Variants in ADAMTS20 observed in about 807,000 individuals in gnomAD.
ADAMTS20 encodes ADAM metallopeptidase with thrombospondin type 1 motif 20.
Under a neutral mutation model 260.1 loss-of-function variants are expected in ADAMTS20, and 225 were observed. The ratio of observed to expected loss-of-function variants is 0.87; its 90% CI spans 0.78 to 0.97. The LOEUF (loss-of-function observed/expected upper bound fraction) is 0.97, where lower values mean the gene tolerates loss of function less well. Ranked by LOEUF, ADAMTS20 falls within the 50% of genes least tolerant of loss-of-function variation. The probability of loss-of-function intolerance (pLI) is 0.00; values close to 1 mark genes in which losing one functional copy is unlikely to be tolerated. For synonymous variants in ADAMTS20, 802 were observed against 769.5 expected, an observed-to-expected ratio of 1.04 and a Z score of -0.70; for missense variants, 2,400 against 2,337.7, an observed-to-expected ratio of 1.03 and a Z score of -0.55.
chr12:43,464,801 C>A, intron 9 of ADAMTS20, 69 bp from the exon 10 acceptor site: 1 of 1,482,236 alleles, frequency 6.7e-7, no homozygotes, highest in Non-Finnish European at 9.1e-7. Context: ...TTCTTTATCA[C>A]ATTTTTTGTA....
intron 7 of ADAMTS20, 26 bp from the exon 8 acceptor site, chr12:43,468,731 A>G (rs770590861): frequency 7.5e-7 from 1 of 1,342,136 alleles, no homozygotes; most frequent in Non-Finnish European, 1.0e-6. Context: ...TTTGTATTTC[A>G]TCAAAATGGA....
At chr12:43,512,042 T>C (rs1942931132) in intron 3 of ADAMTS20, among the ~76,000 whole-genome samples, 2 of 151,900 alleles carry the variant, frequency 1.3e-5, no homozygotes, top group Non-Finnish European at 2.9e-5. Context: ...ATTAATACTA[T>C]TATCAATAAC....
intron 37 of ADAMTS20, among the ~76,000 whole-genome samples, chr12:43,361,477 A>G (rs957928788): frequency 2.0e-5 from 3 of 152,274 alleles, no homozygotes; most frequent in African/African-American, 7.2e-5. Context: ...AGAAATGCCT[A>G]GAAAACCATG....
At chr12:43,394,092 C>T (rs1253608048) in intron 29 of ADAMTS20, among the ~76,000 whole-genome samples, 1 of 152,004 alleles carries the variant, frequency 6.6e-6, no homozygotes, top group African/African-American at 2.4e-5. Context: ...ATTTTATGAC[C>T]ATTACAAGTT....
intron 2 of ADAMTS20, among the ~76,000 whole-genome samples, chr12:43,545,522 G>A (rs1410417635): frequency 2.0e-5 from 3 of 152,110 alleles, no homozygotes; most frequent in Non-Finnish European, 2.9e-5. Context: ...ATTCCTCAAA[G>A]TTTACACAGC....
chr12:43,404,644 T>C lies in ADAMTS20; in HGVS notation c.4285-5411A>G, dbSNP rs552197266. On this transcript the variant is annotated intron_variant, in intron 28 of 38. Transcript: ENST00000389420. ...ATCATTTCATCTATGGATGAAGATA[T>C]ATATATTTGTTTTTATGTTAATCAT... is the stretch of plus-strand genomic sequence containing the variant. 8.5e-5 allele frequency among the ~76,000 whole-genome samples: 13 copies of C among 152,322 alleles called. No individual in the cohort carries two copies. In the East Asian group the frequency reaches 1.7e-3, roughly 20 times the overall value.
At chr12:43,487,876 A>G (rs1479701231) in intron 7 of ADAMTS20, among the ~76,000 whole-genome samples, 1 of 152,166 alleles carries the variant, frequency 6.6e-6, no homozygotes, top group Non-Finnish European at 1.5e-5. Context: ...AATAGCAAAT[A>G]TGGTCCCATA....
intron 7 of ADAMTS20, among the ~76,000 whole-genome samples, chr12:43,469,907 T>C (rs916920987): frequency 6.6e-6 from 1 of 152,180 alleles, no homozygotes; most frequent in African/African-American, 2.4e-5. Context: ...CATTAGCCAA[T>C]ACTTTTTAAT....
chr12:43,411,541 T>C (rs754479186), intron 28 of ADAMTS20, among the ~76,000 whole-genome samples: 2 of 151,982 alleles, frequency 1.3e-5, no homozygotes, highest in Non-Finnish European at 2.9e-5. Flanking sequence ...ATAATTTTTG[T>C]ATATTTAGTA....
chr12:43,517,136 T>A (rs977887133), intron 3 of ADAMTS20, among the ~76,000 whole-genome samples: 7 of 152,184 alleles, frequency 4.6e-5, no homozygotes, highest in African/African-American at 1.7e-4. Context: ...TTGAAAGCTT[T>A]CATTCTAAAA....
intron 28 of ADAMTS20, among the ~76,000 whole-genome samples, chr12:43,422,048 C>T (rs964685352): frequency 2.6e-5 from 4 of 151,906 alleles, no homozygotes; most frequent in African/African-American, 9.7e-5. Context: ...CCACAATACC[C>T]ACTAATAAAC....
chr12:43,453,366 A>T (rs1941904618), intron 12 of ADAMTS20, among the ~76,000 whole-genome samples: 1 of 152,150 alleles, frequency 6.6e-6, no homozygotes, highest in Non-Finnish European at 1.5e-5. Flanking sequence ...ATTAATTTAA[A>T]ATCTTAATGC....
At chr12:43,381,221 T>C (rs554379392) in intron 31 of ADAMTS20, among the ~76,000 whole-genome samples, 1 of 152,184 alleles carries the variant, frequency 6.6e-6, no homozygotes, top group East Asian at 1.9e-4. Context: ...TCAAAATGTA[T>C]CAAACTCCTA....
chr12:43,369,340 C>T lies in ADAMTS20; in HGVS notation c.5488G>A (p.Val1830Ile). 2 of 1,566,578 alleles carry T rather than the reference C, an allele frequency of 1.3e-6. No individual in the cohort carries two copies. The highest frequency in any genetic ancestry group is 1.2e-5 in the South Asian group (1 of 82,534). ...LFSKTIFGNAVPFATAGDCYS... is the reference protein window; with the variant it reads ...LFSKTIFGNAIPFATAGDCYS... Reference sequence around the variant, plus strand: ...CAATCTCCAGCTGTGGCAAATGGAACTGCATTTCCAAATATTGTTTTGGAA... The same window carrying T: ...CAATCTCCAGCTGTGGCAAATGGAATTGCATTTCCAAATATTGTTTTGGAA... Residue 1830 changes from valine (V) to isoleucine (I), a missense_variant, in exon 37 of 39, where the codon GTT (valine) becomes ATT (isoleucine). By Grantham distance (29) the Val-to-Ile change is conservative. Transcript: ENST00000389420.
At chr12:43,373,443 C>A (rs1172090782) in intron 36 of ADAMTS20, among the ~76,000 whole-genome samples, 3 of 152,044 alleles carry the variant, frequency 2.0e-5, no homozygotes, top group Non-Finnish European at 4.4e-5. Flanking sequence ...CTGGGCCACA[C>A]TGGAAGAAGA....
chr12:43,433,193 T>C (rs767838301), intron 19 of ADAMTS20, among the ~76,000 whole-genome samples: 15 of 152,216 alleles, frequency 9.9e-5, no homozygotes, highest in Non-Finnish European at 1.8e-4. Context: ...GTCTAGGAAT[T>C]TGACTACATC....
chr12:43,539,295 G>C lies in ADAMTS20; in HGVS notation c.454-7100C>G, dbSNP rs146439564. Among the ~76,000 whole-genome samples, 92 of 152,132 alleles carry C rather than the reference G, an allele frequency of 6.0e-4. 3 individuals are homozygous for C. The highest frequency in any genetic ancestry group is 2.1e-3 in the African/African-American group (86 of 41,508). ...TTATGGTACTCTTGAGACATGTCTA[G>C]GATATAGTTATATGACGGTTTTCTT... On this transcript the variant is annotated intron_variant, in intron 2 of 38. Transcript: ENST00000389420.
intron 15 of ADAMTS20, among the ~76,000 whole-genome samples, chr12:43,446,109 T>A (rs1327244396): frequency 6.6e-6 from 1 of 152,088 alleles, no homozygotes; most frequent in Non-Finnish European, 1.5e-5. Context: ...AAGATAATGG[T>A]TTCACCCTTC....
chr12:43,363,641 T>C (rs1220796314), intron 37 of ADAMTS20, among the ~76,000 whole-genome samples: 1 of 152,206 alleles, frequency 6.6e-6, no homozygotes, highest in African/African-American at 2.4e-5. Context: ...GCTTTTCCTA[T>C]TGTGACTAGC....
Sources: gnomAD v4.1 joint callset for allele counts (sites outside exome capture counted in the v4.1 genomes callset) on GRCh38, gnomAD v4.1.1 for gene constraint, MANE v1.5 for transcripts, NCBI Gene and HGNC (gene_info 2026-07-23, HGNC 2026-07-21) for gene names.